The following SHANK2 variants were observed in gnomAD, a reference collection of about 807,000 sequenced individuals.
SHANK2 encodes SH3 and multiple ankyrin repeat domains 2, also known as SH3 and multiple ankyrin repeat domains protein 2.
A neutral mutation model predicts 133.7 loss-of-function variants in SHANK2; 43 were observed. The ratio of observed to expected loss-of-function variants is 0.32; its 90% CI spans 0.25 to 0.41. SHANK2 has a LOEUF of 0.41. SHANK2 is among the 10% of genes least tolerant of loss of function. The probability of loss-of-function intolerance (pLI) is 1.00; values close to 1 mark genes in which losing one functional copy is unlikely to be tolerated. For missense variants in SHANK2, 1,994 were observed against 2,235.8 expected (o/e 0.89, Z 2.18); for synonymous variants, 1,017 against 952.8 (o/e 1.07, Z -1.24).
At chr11:70,652,952 G>A (rs1313273102) in intron 17 of SHANK2, among the ~76,000 whole-genome samples, 1 of 152,146 alleles carries the variant, frequency 6.6e-6, no homozygotes, top group Non-Finnish European at 1.5e-5. Context: ...TGATCATGCT[G>A]CATCTGGACT....
chr11:71,081,667 T>G (rs1434592868), intron 8 of SHANK2, among the ~76,000 whole-genome samples: 18 of 152,180 alleles, frequency 1.2e-4, no homozygotes, highest in African/African-American at 4.1e-4. Context: ...GGGTCCTCAT[T>G]CCCTCTGGAG....
intron 17 of SHANK2, among the ~76,000 whole-genome samples, chr11:70,627,862 G>A (rs562413979): frequency 8.5e-5 from 13 of 152,350 alleles, no homozygotes; most frequent in Non-Finnish European, 1.9e-4. Context: ...TGGGGTTTTA[G>A]AGCATTTTGG....
intron 17 of SHANK2, among the ~76,000 whole-genome samples, chr11:70,647,132 C>T (rs939096435): frequency 1.8e-4 from 28 of 152,244 alleles, no homozygotes; most frequent in Non-Finnish European, 1.8e-4. Context: ...TCCCAAAGTG[C>T]TGGGATTACA....
chr11:70,485,828 A>G lies in SHANK2; in HGVS notation c.4465T>C (p.Ser1489Pro). Residue 1489 changes from serine (S) to proline (P), a missense_variant, in exon 25 of 26, where the codon TCT becomes CCT. Ser to Pro is a moderately conservative substitution (Grantham distance 74). Transcript: ENST00000601538. This position sits in a 1 kb window ranked among gnomAD's most constrained non-coding sequence, Gnocchi z 5.8. Reference sequence around the variant, plus strand: ...CGGCTGTCCACCTCCTCGATCCCAGAGTCGGCGACGGCGTCAAAGCTTTCA... The same window carrying G: ...CGGCTGTCCACCTCCTCGATCCCAGGGTCGGCGACGGCGTCAAAGCTTTCA... ...PPESFDAVAD[S>P]GIEEVDSRSS... 6.2e-6 allele frequency: 10 copies of G among 1,613,972 alleles called. No homozygotes were observed. The highest frequency in any genetic ancestry group is 8.5e-6 in the Non-Finnish European group (10 of 1,180,026).
intron 17 of SHANK2, among the ~76,000 whole-genome samples, chr11:70,602,559 G>T (rs967942198): frequency 1.3e-5 from 2 of 152,172 alleles, no homozygotes; most frequent in Non-Finnish European, 2.9e-5. Flanking sequence ...CCAGACCCCA[G>T]ATTCCCACCT....
chr11:70,710,521 C>T (rs1555025870), intron 14 of SHANK2, among the ~76,000 whole-genome samples: 2 of 152,228 alleles, frequency 1.3e-5, no homozygotes, highest in African/African-American at 4.8e-5. Flanking sequence ...CCTGGCATCA[C>T]CCCCACAGTA....
intron 17 of SHANK2, among the ~76,000 whole-genome samples, chr11:70,538,994 A>G (rs1423067616): frequency 6.6e-6 from 1 of 152,254 alleles, no homozygotes; most frequent in Admixed American, 6.5e-5. Flanking sequence ...CCTGGCACCC[A>G]GGCACTAGGC....
At chr11:70,899,638 C>G (rs1192335406) in intron 10 of SHANK2, among the ~76,000 whole-genome samples, 1 of 152,200 alleles carries the variant, frequency 6.6e-6, no homozygotes, top group Non-Finnish European at 1.5e-5. Context: ...TATAGCCCAC[C>G]TCCAACTCAG....
chr11:71,085,879 A>C, intron 8 of SHANK2, among the ~76,000 whole-genome samples: 2 of 128 alleles, frequency 0.016, 1 homozygote, highest in East Asian at 0.5. Flanking sequence ...TTATATATTT[A>C]TATAACCTTA....
intron 3 of SHANK2, among the ~76,000 whole-genome samples, chr11:71,133,917 A>C (rs1413981000): frequency 7.3e-6 from 1 of 136,622 alleles, no homozygotes; most frequent in African/African-American, 2.9e-5. Flanking sequence ...GCCCAAAGGA[A>C]AACTATGTAT....
At chr11:70,661,864 C>T (rs1362454398) in intron 15 of SHANK2, 186 bp from the exon 16 acceptor site, 3 of 1,536,684 alleles carry the variant, frequency 2.0e-6, no homozygotes, top group Non-Finnish European at 2.7e-6. Flanking sequence ...GGGTGGCTAC[C>T]GGGATAGGCG....
chr11:70,622,316 A>AC (rs1430287100), intron 17 of SHANK2, among the ~76,000 whole-genome samples: 1 of 151,342 alleles, frequency 6.6e-6, no homozygotes, highest in Non-Finnish European at 1.5e-5. Context: ...ACTCATGTCA[A>AC]CCCCCGCCCC....
chr11:70,661,496 C>CGT, intron 16 of SHANK2, 100 bp downstream of exon 16: 4 of 1,095,016 alleles, frequency 3.7e-6, no homozygotes, highest in African/African-American at 3.4e-5. Flanking sequence ...TTCATGCAGG[C>CGT]GTATACACAC....
chr11:71,059,391 T>C (rs1465911296), intron 9 of SHANK2, among the ~76,000 whole-genome samples: 1 of 151,908 alleles, frequency 6.6e-6, no homozygotes, highest in Non-Finnish European at 1.5e-5. Context: ...TGGTTGACGG[T>C]GGTGATGGTT....
chr11:71,068,136 C>T (rs1590881083), intron 9 of SHANK2, among the ~76,000 whole-genome samples: 1 of 152,162 alleles, frequency 6.6e-6, no homozygotes, highest in East Asian at 1.9e-4. Context: ...TGAACATGAT[C>T]ACCGTCACTA....
intron 17 of SHANK2, among the ~76,000 whole-genome samples, chr11:70,517,853 C>T (rs1410448259): frequency 1.3e-5 from 2 of 152,116 alleles, no homozygotes; most frequent in African/African-American, 4.8e-5. Flanking sequence ...ATGTAGACTA[C>T]GGGCTTTAGT....
chr11:70,680,997 C>T (rs781825452), intron 15 of SHANK2, among the ~76,000 whole-genome samples: 1 of 152,180 alleles, frequency 6.6e-6, no homozygotes, highest in Non-Finnish European at 1.5e-5. Context: ...AATGCTCAGA[C>T]CACAGGCCAG....
intron 1 of SHANK2, among the ~76,000 whole-genome samples, chr11:71,228,552 G>A (rs73530363): frequency 0.08 from 12,231 of 152,248 alleles, 532 homozygotes; most frequent in Middle Eastern, 0.14. Context: ...GAGGTCAGGA[G>A]TTCAAGGCCA....
At chr11:70,684,215 C>T (rs1555018989) in intron 15 of SHANK2, among the ~76,000 whole-genome samples, 1 of 152,176 alleles carries the variant, frequency 6.6e-6, no homozygotes, top group East Asian at 1.9e-4. Flanking sequence ...CCTACCCAGT[C>T]ATCACCCTTG....
Sources: allele counts gnomAD v4.1 joint callset (sites outside exome capture counted in the v4.1 genomes callset), GRCh38; gene constraint gnomAD v4.1.1; non-coding constraint Gnocchi (gnomAD v3.1); transcripts MANE v1.5; gene names NCBI Gene and HGNC (gene_info 2026-07-23, HGNC 2026-07-21).